Variants in KLHL8 observed in about 807,000 individuals in gnomAD.
KLHL8 encodes the protein kelch-like protein 8.
In KLHL8, 38 loss-of-function variants were observed where a neutral mutation model predicts 63.5. The observed-to-expected ratio is 0.60, with a 90% CI of 0.46 to 0.78. The LOEUF (loss-of-function observed/expected upper bound fraction) is 0.78. Among genes scored for constraint, KLHL8 ranks in the 30% least tolerant of loss-of-function variants. The pLI is 0.00. For synonymous variants in KLHL8, 224 were observed against 254.3 expected, an observed-to-expected ratio of 0.88 and a Z score of 1.13; for missense variants, 566 against 752.4, an observed-to-expected ratio of 0.75 and a Z score of 2.90.
Position 87,174,030 on chromosome 4 carries a change from GAA to G in KLHL8, c.1208+2725_1208+2726del, listed in dbSNP as rs1321276985. 2.0e-5 allele frequency among the ~76,000 whole-genome samples: 3 copies of G among 151,558 alleles called. No individual in the cohort carries two copies. The East Asian group carries it at 5.8e-4, about 29-fold the overall frequency. ...TTGAAAATATTATTAATCAAAAATA[GAA>G]AATTAGAGGCAACATATCCCCATGT... is the stretch of plus-strand genomic sequence containing the variant. On this transcript the variant is annotated intron_variant, in intron 6 of 9. Transcript: ENST00000273963.
chr4:87,193,607 T>C (rs1560704957), intron 2 of KLHL8, among the ~76,000 whole-genome samples: 1 of 152,218 alleles, frequency 6.6e-6, no homozygotes, highest in Non-Finnish European at 1.5e-5. Flanking sequence ...AGTAAATACA[T>C]AAGCCTGTAA....
intron 2 of KLHL8, among the ~76,000 whole-genome samples, 163 bp from the exon 3 acceptor site, chr4:87,185,962 A>C (rs923310349): frequency 2.0e-5 from 3 of 152,200 alleles, no homozygotes; most frequent in African/African-American, 4.8e-5. Flanking sequence ...CCAGTTTCTT[A>C]AAGTCAGGTA....
At chr4:87,226,912 TAA>T (rs1233032656) in intron 1 of KLHL8, among the ~76,000 whole-genome samples, 54 of 42,310 alleles carry the variant, frequency 1.3e-3, no homozygotes, top group East Asian at 0.012. Flanking sequence ...ATATAATATA[TAA>T]ATAATATATA....
At chr4:87,223,545 G>A (rs561720905), upstream of KLHL8, among the ~76,000 whole-genome samples, 334 of 152,200 alleles carry the variant, frequency 2.2e-3, no homozygotes, top group African/African-American at 7.7e-3. Flanking sequence ...ATCTAGACTC[G>A]GAGACAGAGA....
intron 1 of KLHL8, among the ~76,000 whole-genome samples, chr4:87,227,704 A>G (rs569957555): frequency 1.1e-3 from 165 of 152,266 alleles, no homozygotes; most frequent in Non-Finnish European, 1.9e-3. Flanking sequence ...TGCTGGATGA[A>G]TGACAGAAGG....
chr4:87,197,428 C>T (rs1430298568), intron 1 of KLHL8, among the ~76,000 whole-genome samples: 2 of 152,162 alleles, frequency 1.3e-5, no homozygotes, highest in South Asian at 2.1e-4. Context: ...CTCAGTCATA[C>T]AGCTCCAAGG....
intron 1 of KLHL8, among the ~76,000 whole-genome samples, chr4:87,204,180 A>C (rs1001515152): frequency 3.3e-5 from 5 of 152,152 alleles, no homozygotes; most frequent in African/African-American, 1.2e-4. Flanking sequence ...CATGCCTGTG[A>C]ATAGCCACTA....
intron 1 of KLHL8, among the ~76,000 whole-genome samples, chr4:87,219,294 G>C (rs1732725930): frequency 6.6e-6 from 1 of 152,218 alleles, no homozygotes; most frequent in Non-Finnish European, 1.5e-5. Flanking sequence ...CGCAGGGCCA[G>C]AACACGAGAA....
At chr4:87,179,145 T>C (rs1480709956) in intron 4 of KLHL8, among the ~76,000 whole-genome samples, 1 of 152,172 alleles carries the variant, frequency 6.6e-6, no homozygotes, top group Non-Finnish European at 1.5e-5. Context: ...CCTATATACA[T>C]TTCTAAGCCA....
chr4:87,175,620 A>G (rs1050002252), intron 6 of KLHL8, among the ~76,000 whole-genome samples: 1 of 152,162 alleles, frequency 6.6e-6, no homozygotes, highest in African/African-American at 2.4e-5. Context: ...CCACCTTAGG[A>G]TATCTAAAAA....
At chr4:87,231,543 G>A (rs935957072) in intron 1 of KLHL8, among the ~76,000 whole-genome samples, 12 of 152,056 alleles carry the variant, frequency 7.9e-5, no homozygotes, top group Non-Finnish European at 1.5e-4. Context: ...TCCCACCTGT[G>A]GCAGGCATGT....
chr4:87,234,810 G>A (rs1352679894), intron 1 of KLHL8, among the ~76,000 whole-genome samples: 5 of 152,122 alleles, frequency 3.3e-5, no homozygotes, highest in African/African-American at 4.8e-5. Flanking sequence ...TTATTGCCCC[G>A]GAAGACTTTC....
At chr4:87,165,012 G>A (rs1030202023) in intron 8 of KLHL8, among the ~76,000 whole-genome samples, 4 of 152,030 alleles carry the variant, frequency 2.6e-5, no homozygotes, top group East Asian at 1.9e-4. Flanking sequence ...AGCTGGGCAT[G>A]GTGGCGGGCG....
rs1220742671 is a variant in KLHL8, at chr4:87,163,925, G to T, written c.1692C>A (p.Gly564=). The T allele has an allele frequency of 2.5e-6, 4 of 1,613,976 alleles. No individual in the cohort carries two copies. Among genetic ancestry groups the T allele is most frequent in the Non-Finnish European group, 3.4e-6 (4 of 1,180,008 alleles). ...CTTCTACTGTATTTAAGTATGCATT[G>T]CCATTATGACCACCAACTGCAAAGA... The part of the protein sequence containing the change: ...GKIFAVGGHN[G]NAYLNTVEAF... The change falls in exon 9 of 10, where the codon GGC becomes GGA. Residue 564 remains glycine (G), a synonymous_variant. Coordinates refer to ENST00000273963, the MANE Select transcript of KLHL8 (RefSeq NM_020803.5).
chr4:87,167,390 T>C (rs1730444309), intron 8 of KLHL8: 3 of 450,896 alleles, frequency 6.7e-6, no homozygotes, highest in South Asian at 5.3e-5. Flanking sequence ...ATCCTGGTCA[T>C]GGAGATTTAT....
chr4:87,177,289 C>T (rs999914707), intron 5 of KLHL8, among the ~76,000 whole-genome samples: 9 of 151,998 alleles, frequency 5.9e-5, no homozygotes, highest in Non-Finnish European at 1.0e-4. Flanking sequence ...CTGAGGTGGG[C>T]GGATCACCTG....
In KLHL8 at chr4:87,185,311, G is replaced by C. The variant is rs1731207674; in HGVS notation, c.705C>G (p.Ile235Met). Residue 235 changes from isoleucine to methionine, a missense_variant, in exon 3 of 10, where the codon ATC (isoleucine) becomes ATG (methionine). By Grantham distance (10) the Ile-to-Met change is conservative (BLOSUM62 1). Transcript: ENST00000273963. ...GCTGAGGATTGGCAAGAAGCCACTT[G>C]ATGGCAGCATTATAGACCTGCTTTT... The part of the protein sequence containing the change: ...ENEKQVYNAA[I>M]KWLLANPQHH... The C allele has an allele frequency of 6.2e-7, 1 of 1,614,142 alleles. No homozygotes were observed. Among genetic ancestry groups the C allele is most frequent in the Non-Finnish European group, 8.5e-7 (1 of 1,179,996 alleles).
intron 1 of KLHL8, among the ~76,000 whole-genome samples, chr4:87,226,435 C>T (rs372475858): frequency 1.1e-4 from 16 of 149,558 alleles, no homozygotes; most frequent in East Asian, 4.0e-4. Flanking sequence ...TGGCGGTGCA[C>T]GCCTGTAGTC....
At chr4:87,176,461 G>A (rs1730820017) in intron 6 of KLHL8, among the ~76,000 whole-genome samples, 1 of 152,086 alleles carries the variant, frequency 6.6e-6, no homozygotes. Context: ...TAATATTTTT[G>A]CAACTTCTCT....
Sources: gnomAD v4.1 joint callset for allele counts (sites outside exome capture counted in the v4.1 genomes callset) on GRCh38, gnomAD v4.1.1 for gene constraint, MANE v1.5 for transcripts, NCBI Gene and HGNC (gene_info 2026-07-23, HGNC 2026-07-21) for gene names.